ADCY2: variants seen among roughly 807,000 people sequenced by gnomAD.
ADCY2 encodes adenylate cyclase type 2.
ADCY2 carries 31 observed loss-of-function variants against 125.2 expected under a neutral mutation model. The observed-to-expected ratio is 0.25, with a 90% confidence interval of 0.19 to 0.33. The LOEUF is 0.33. ADCY2 is among the 10% of genes least tolerant of loss of function. The probability of loss-of-function intolerance (pLI) is 1.00; values close to 1 mark genes in which losing one functional copy is unlikely to be tolerated. For missense variants in ADCY2, 904 were observed against 1,418.2 expected, an observed-to-expected ratio of 0.64 and a Z score of 5.82; for synonymous variants, 512 against 548.4, an observed-to-expected ratio of 0.93 and a Z score of 0.93.
intron 16 of ADCY2, among the ~76,000 whole-genome samples, chr5:7,765,491 C>T (rs1328254110): frequency 6.6e-6 from 1 of 152,036 alleles, no homozygotes; most frequent in Non-Finnish European, 1.5e-5. Flanking sequence ...ATGCTTAAAT[C>T]AGCATTTTGC....
In ADCY2 at chr5:7,693,966, A is replaced by G. The variant is rs555252243; in HGVS notation, c.870-1786A>G. 7.2e-5 allele frequency among the ~76,000 whole-genome samples: 11 copies of G among 152,286 alleles called. No individual in the cohort carries two copies. In the South Asian group the frequency reaches 2.1e-3, roughly 29 times the overall value. ...CATCGTTCATCCTTCCTCTTGCACA[A>G]TGGCTCAGCACCTGTGATCCCTGCC... On this transcript the variant is annotated intron_variant, in intron 5 of 24. Transcript: ENST00000338316.
chr5:7,442,954 C>T (rs145775996), intron 2 of ADCY2, among the ~76,000 whole-genome samples: 2 of 152,034 alleles, frequency 1.3e-5, no homozygotes, highest in African/African-American at 2.4e-5. Context: ...CTATCAGTTA[C>T]AGCCATTATT....
At chr5:7,479,854 G>A (rs10069306) in intron 2 of ADCY2, among the ~76,000 whole-genome samples, 18,703 of 152,018 alleles carry the variant, frequency 0.12, 2,022 homozygotes, top group African/African-American at 0.28. Context: ...CAAAGTTAGT[G>A]TTTCTGTTCC....
At chr5:7,807,225 A>G (rs761764849) in intron 22 of ADCY2, among the ~76,000 whole-genome samples, 2 of 152,122 alleles carry the variant, frequency 1.3e-5, no homozygotes, top group African/African-American at 4.8e-5. Context: ...CATCAGACCC[A>G]GTCTTCTGGA....
rs3033085 is a variant in ADCY2, at chr5:7,459,772, A to ATTTTTTTTTTTT, written c.408+45024_408+45035dup. Among the ~76,000 whole-genome samples the ATTTTTTTTTTTT allele has an allele frequency of 7.1e-4, 52 of 72,862 alleles. 2 individuals are homozygous for ATTTTTTTTTTTT. The highest frequency in any genetic ancestry group is 2.1e-3 in the African/African-American group (34 of 16,348). 47.8% of individuals were successfully genotyped at this position (72,862 alleles called of 152,430 possible). On this transcript the variant is annotated intron_variant, in intron 2 of 24. Transcript: ENST00000338316. ...GAACTATCTAGCAGTTTAAGAGGTA[A>ATTTTTTTTTTTT]TTTTTTTTTTTTTTTTTTTTTTTTT...
At position 7,709,535 on chromosome 5, in the gene ADCY2, A is replaced by T; in HGVS notation, c.1578+148A>T. 1 of 962,308 alleles carries T rather than the reference A, an allele frequency of 1.0e-6. No individual in the cohort carries two copies. Among genetic ancestry groups the T allele is most frequent in the Non-Finnish European group, 1.5e-6 (1 of 671,234 alleles). The allele number at this position is 962,308 out of a possible 1,614,324, so 59.6% of individuals were successfully genotyped here. ...CTTCTCAGAGAGGCCCTTATGAACA[A>T]CCATCAGGGTATGAGTGAGCTCCAT... On this transcript the variant is annotated intron_variant, in intron 10 of 24. Transcript: ENST00000338316. The surrounding 1 kb of genome is among the most constrained non-coding windows in gnomAD (Gnocchi z 4.4).
chr5:7,509,736 T>C (rs1000068279), intron 2 of ADCY2, among the ~76,000 whole-genome samples: 3 of 152,220 alleles, frequency 2.0e-5, no homozygotes, highest in African/African-American at 7.2e-5. Context: ...ATTTTCACAT[T>C]CTATAGAGTT....
At chr5:7,742,128 CAAA>C (rs1207472213) in intron 14 of ADCY2, among the ~76,000 whole-genome samples, 2 of 116,124 alleles carry the variant, frequency 1.7e-5, no homozygotes, top group Non-Finnish European at 1.8e-5. Flanking sequence ...GCATAGTGCC[CAAA>C]AAAAAAAAAA....
At chr5:7,724,684 C>G in intron 13 of ADCY2, 70 bp downstream of exon 13, 3 of 1,186,766 alleles carry the variant, frequency 2.5e-6, no homozygotes, top group Non-Finnish European at 3.6e-6. Flanking sequence ...TGAAATTGTG[C>G]TCATGTTTTT....
At chr5:7,619,864 C>A (rs1472620539) in intron 3 of ADCY2, among the ~76,000 whole-genome samples, 1 of 152,180 alleles carries the variant, frequency 6.6e-6, no homozygotes, top group Non-Finnish European at 1.5e-5. Flanking sequence ...TGAATCTTCT[C>A]CCCATCGATT....
intron 2 of ADCY2, among the ~76,000 whole-genome samples, chr5:7,471,497 G>A (rs1312713753): frequency 6.6e-6 from 1 of 151,770 alleles, no homozygotes; most frequent in African/African-American, 2.4e-5. Flanking sequence ...TATAACAATA[G>A]ACTCCCAATT....
chr5:7,400,782 G>T (rs1257597085), intron 1 of ADCY2, among the ~76,000 whole-genome samples: 1 of 152,174 alleles, frequency 6.6e-6, no homozygotes, highest in Non-Finnish European at 1.5e-5. Context: ...CTCTGCAGGT[G>T]CTTGTAATTT....
At chr5:7,536,917 T>A (rs764697616) in intron 3 of ADCY2, among the ~76,000 whole-genome samples, 4 of 152,174 alleles carry the variant, frequency 2.6e-5, no homozygotes, top group Non-Finnish European at 4.4e-5. Flanking sequence ...TTCTTATAAA[T>A]AAGGTTTCAC....
chr5:7,518,665 T>TG (rs1037931889), intron 2 of ADCY2, among the ~76,000 whole-genome samples: 4 of 152,178 alleles, frequency 2.6e-5, no homozygotes, highest in Non-Finnish European at 5.9e-5. Context: ...AGATGGTCCA[T>TG]GCCCAATCTA....
At chr5:7,544,699 C>A (rs112326715) in intron 3 of ADCY2, among the ~76,000 whole-genome samples, 31 of 152,274 alleles carry the variant, frequency 2.0e-4, no homozygotes, top group African/African-American at 7.0e-4. Context: ...ACGTGGACAT[C>A]TTGTGGGGAG....
At chr5:7,787,198 T>A (rs1260530522) in intron 19 of ADCY2, among the ~76,000 whole-genome samples, 1 of 152,162 alleles carries the variant, frequency 6.6e-6, no homozygotes, top group Admixed American at 6.5e-5. Context: ...TCCCTGTTCC[T>A]CCCCTGCACA....
chr5:7,561,270 A>G (rs1041901296), intron 3 of ADCY2, among the ~76,000 whole-genome samples: 10 of 152,254 alleles, frequency 6.6e-5, no homozygotes, highest in African/African-American at 2.2e-4. Context: ...TCGTTAGGCA[A>G]TTTCATCATT....
intron 4 of ADCY2, among the ~76,000 whole-genome samples, chr5:7,645,960 C>T (rs142755561): frequency 3.3e-5 from 5 of 152,206 alleles, no homozygotes; most frequent in Non-Finnish European, 5.9e-5. Flanking sequence ...AATTTATATG[C>T]GAAGTCAAAC....
chr5:7,538,358 G>T lies in ADCY2; in HGVS notation c.570+17459G>T, dbSNP rs1734889080. Reference sequence around the variant, plus strand: ...GCCATCTGTTTACTTATCGGTAAAAGAGGACCAATAATGGAATACGACTGA... The same window carrying T: ...GCCATCTGTTTACTTATCGGTAAAATAGGACCAATAATGGAATACGACTGA... On this transcript the variant is annotated intron_variant, in intron 3 of 24. Coordinates refer to ENST00000338316, the MANE Select transcript of ADCY2 (RefSeq NM_020546.3). 1.3e-5 allele frequency among the ~76,000 whole-genome samples: 2 copies of T among 152,168 alleles called. 1 individual carries two copies. Among genetic ancestry groups the T allele is most frequent in the South Asian group, 4.1e-4 (2 of 4,820 alleles).
Sources: gnomAD v4.1 joint callset for allele counts (sites outside exome capture counted in the v4.1 genomes callset) on GRCh38, gnomAD v4.1.1 for gene constraint, Gnocchi (gnomAD v3.1) non-coding constraint, MANE v1.5 for transcripts, NCBI Gene and HGNC (gene_info 2026-07-23, HGNC 2026-07-21) for gene names.